Variants in TGFBR3 observed in about 807,000 individuals in gnomAD.
The protein encoded by TGFBR3 is transforming growth factor beta receptor 3.
Under a neutral mutation model 87.9 loss-of-function variants are expected in TGFBR3, and 46 were observed. That is an observed-to-expected ratio of 0.52 (90% CI 0.41 to 0.67). The LOEUF is 0.67. Among genes scored for constraint, TGFBR3 ranks in the 30% least tolerant of loss-of-function variants. TGFBR3 has a pLI of 0.00. For missense variants in TGFBR3, 866 were observed against 1,041.9 expected (o/e 0.83, Z 2.32); for synonymous variants, 381 against 391.6 (o/e 0.97, Z 0.32).
intron 2 of TGFBR3, among the ~76,000 whole-genome samples, chr1:91,852,976 G>A (rs546619082): frequency 2.7e-5 from 4 of 150,798 alleles, no homozygotes; most frequent in African/African-American, 4.9e-5. Flanking sequence ...GCAACATGGC[G>A]GAACCCCATC....
intron 14 of TGFBR3, among the ~76,000 whole-genome samples, chr1:91,704,319 CTT>C (rs1313404112): frequency 4.9e-5 from 4 of 82,390 alleles, no homozygotes; most frequent in Non-Finnish European, 9.5e-5. Context: ...CAGAGTGAGA[CTT>C]TGTCTCAAAA....
intron 1 of TGFBR3, among the ~76,000 whole-genome samples, chr1:91,868,953 G>A (rs10493857): frequency 0.25 from 38,051 of 152,030 alleles, 5,416 homozygotes; most frequent in Non-Finnish European, 0.31. Context: ...ACCAACCATC[G>A]TCTAGTTAGT....
At chr1:91,688,044 C>A (rs1390040122) in intron 16 of TGFBR3, among the ~76,000 whole-genome samples, 4 of 152,154 alleles carry the variant, frequency 2.6e-5, no homozygotes, top group Admixed American at 6.5e-5. Context: ...TCTTCAATCA[C>A]TTTTTATCAT....
At chr1:91,728,960 A>G (rs943082180) in intron 6 of TGFBR3, among the ~76,000 whole-genome samples, 2 of 151,854 alleles carry the variant, frequency 1.3e-5, no homozygotes, top group Non-Finnish European at 2.9e-5. Flanking sequence ...GAGAGGGAGA[A>G]CAAGCGCACA....
intron 6 of TGFBR3, among the ~76,000 whole-genome samples, chr1:91,729,493 T>C (rs941710011): frequency 8.5e-5 from 13 of 152,222 alleles, no homozygotes; most frequent in South Asian, 2.1e-4. Flanking sequence ...GACTGTGTCC[T>C]GTAATTAACA....
chr1:91,837,947 C>T (rs926551245), intron 2 of TGFBR3, among the ~76,000 whole-genome samples: 10 of 152,152 alleles, frequency 6.6e-5, no homozygotes, highest in Non-Finnish European at 1.3e-4. Flanking sequence ...ATAGCATACT[C>T]GGGAGATTGC....
At chr1:91,782,437 C>T (rs890944860) in intron 3 of TGFBR3, among the ~76,000 whole-genome samples, 39 of 152,320 alleles carry the variant, frequency 2.6e-4, no homozygotes, top group African/African-American at 7.9e-4. Context: ...TGTGTCCCAA[C>T]GGACCTTTGG....
chr1:91,810,336 G>C (rs1675986020), intron 2 of TGFBR3, among the ~76,000 whole-genome samples: 1 of 152,056 alleles, frequency 6.6e-6, no homozygotes, highest in Non-Finnish European at 1.5e-5. Context: ...TGAGATTACA[G>C]GCATGAGCCA....
intron 4 of TGFBR3, among the ~76,000 whole-genome samples, chr1:91,740,815 T>A (rs1352700194): frequency 6.6e-6 from 1 of 152,202 alleles, no homozygotes; most frequent in African/African-American, 2.4e-5. Flanking sequence ...CATAGCACCC[T>A]TATCAGAGTC....
At chr1:91,787,327 A>G (rs980946569) in intron 3 of TGFBR3, among the ~76,000 whole-genome samples, 1 of 151,904 alleles carries the variant, frequency 6.6e-6, no homozygotes, top group African/African-American at 2.4e-5. Context: ...AAAAAAAAAA[A>G]GTGCTATTAA....
chr1:91,689,152 CCTT>C (rs1671190626), intron 16 of TGFBR3, among the ~76,000 whole-genome samples: 1 of 152,138 alleles, frequency 6.6e-6, no homozygotes, highest in African/African-American at 2.4e-5. Context: ...TACCCTTCCC[CCTT>C]CTTCTCACCC....
intron 1 of TGFBR3, 30 bp from the exon 2 acceptor site, chr1:91,861,674 A>C: frequency 1.4e-6 from 1 of 702,036 alleles, no homozygotes; most frequent in Non-Finnish European, 2.6e-6. Context: ...AAGAAAACTT[A>C]ATGAAGAAAC....
intron 2 of TGFBR3, among the ~76,000 whole-genome samples, chr1:91,817,134 T>C (rs1352962241): frequency 1.3e-5 from 2 of 152,210 alleles, no homozygotes; most frequent in East Asian, 3.8e-4. Flanking sequence ...TGTTAGGCTT[T>C]GAATTCACCT....
chr1:91,722,043 C>T lies in TGFBR3; in HGVS notation c.987G>A (p.Lys329=), dbSNP rs755073660. 2.5e-6 allele frequency: 4 copies of T among 1,613,916 alleles called. No individual in the cohort carries two copies. The highest frequency in any genetic ancestry group is 3.4e-6 in the Non-Finnish European group (4 of 1,179,914). The change falls in exon 8 of 17, where the codon AAG becomes AAA. Residue 329 remains lysine, a synonymous_variant. Transcript: ENST00000212355. ...DIPSTQGNLV[K]WALDNGYSPI... The stretch of plus-strand genomic sequence containing the variant: ...GACTATAGCCATTGTCCAAAGCCCA[C>T]TTCACCAGATTCCCTTGGGTTGAAG...
chr1:91,885,367 G>GC (rs941461895), intron 1 of TGFBR3, among the ~76,000 whole-genome samples: 6 of 138,714 alleles, frequency 4.3e-5, no homozygotes, highest in African/African-American at 1.3e-4. Flanking sequence ...CGGGGCGGGG[G>GC]GGGGCCGAGC....
chr1:91,818,278 CTTTT>C (rs760050197), intron 2 of TGFBR3, among the ~76,000 whole-genome samples: 1 of 32,496 alleles, frequency 3.1e-5, no homozygotes, highest in African/African-American at 9.9e-5. Context: ...TAGCCCCAGC[CTTTT>C]TTTTTTTTTT....
intron 4 of TGFBR3, among the ~76,000 whole-genome samples, chr1:91,756,287 C>T (rs1004926084): frequency 6.6e-6 from 1 of 152,128 alleles, no homozygotes; most frequent in Non-Finnish European, 1.5e-5. Context: ...GCTAAATGTG[C>T]ATATGACTTT....
At chr1:91,844,139 C>A (rs1361895676) in intron 2 of TGFBR3, among the ~76,000 whole-genome samples, 1 of 152,200 alleles carries the variant, frequency 6.6e-6, no homozygotes, top group African/African-American at 2.4e-5. Flanking sequence ...GCAACACTAG[C>A]CTTCAGCCTT....
At chr1:91,878,245 AAGTTTT>A (rs1229099862) in intron 1 of TGFBR3, among the ~76,000 whole-genome samples, 5 of 151,630 alleles carry the variant, frequency 3.3e-5, no homozygotes, top group African/African-American at 1.2e-4. Flanking sequence ...ATTAGAATCT[AAGTTTT>A]TCACCTCAAA....
Sources: gnomAD v4.1 joint callset for allele counts (sites outside exome capture counted in the v4.1 genomes callset) on GRCh38, gnomAD v4.1.1 for gene constraint, MANE v1.5 for transcripts, NCBI Gene and HGNC (gene_info 2026-07-23, HGNC 2026-07-21) for gene names.